The following DSCAML1 variants were observed in gnomAD, a reference collection of about 807,000 sequenced individuals.
DSCAML1 encodes the protein cell adhesion molecule DSCAML1.
Under a neutral mutation model 200.5 loss-of-function variants are expected in DSCAML1, and 38 were observed. The ratio of observed to expected loss-of-function variants is 0.19; its 90% CI spans 0.15 to 0.25. The LOEUF (loss-of-function observed/expected upper bound fraction) is 0.25. DSCAML1 is among the 10% of genes least tolerant of loss of function. DSCAML1 has a pLI of 1.00. For synonymous variants in DSCAML1, 1,215 were observed against 1,165.0 expected, an observed-to-expected ratio of 1.04 and a Z score of -0.87; for missense variants, 2,223 against 2,858.8, an observed-to-expected ratio of 0.78 and a Z score of 5.07.
intron 3 of DSCAML1, among the ~76,000 whole-genome samples, chr11:117,557,915 GGA>G (rs2137407105): frequency 6.6e-6 from 1 of 152,220 alleles, no homozygotes; most frequent in Admixed American, 6.5e-5. Flanking sequence ...CTGGGTGTGA[GGA>G]GAGAGCAGTT....
chr11:117,621,803 A>G (rs1246210357), intron 3 of DSCAML1, among the ~76,000 whole-genome samples: 1 of 152,204 alleles, frequency 6.6e-6, no homozygotes, highest in Admixed American at 6.5e-5. Flanking sequence ...TTAAAGGTGA[A>G]ACAAGACAAC....
In DSCAML1 at chr11:117,692,438, C is replaced by A. The variant is rs183321862; in HGVS notation, c.511+84353G>T. 8.5e-4 allele frequency among the ~76,000 whole-genome samples: 130 copies of A among 152,136 alleles called. 1 individual carries two copies. In the East Asian group the frequency reaches 0.016, roughly 19 times the overall value. On this transcript the variant is annotated intron_variant, in intron 3 of 32. Coordinates refer to ENST00000651296, the MANE Select transcript of DSCAML1 (RefSeq NM_020693.4). Reference sequence around the variant, plus strand: ...TTCTCTCTCTCTCCCATCCCTCCCCCAAACACACTCAGGATAGGGCTCTGT... The same window carrying A: ...TTCTCTCTCTCTCCCATCCCTCCCCAAAACACACTCAGGATAGGGCTCTGT...
intron 3 of DSCAML1, among the ~76,000 whole-genome samples, chr11:117,613,385 G>A (rs1174211982): frequency 6.6e-6 from 1 of 152,126 alleles, no homozygotes; most frequent in African/African-American, 2.4e-5. Context: ...ACAAAGGTGA[G>A]GCAGAAGCTT....
At chr11:117,691,866 C>T (rs902072345) in intron 3 of DSCAML1, among the ~76,000 whole-genome samples, 4 of 152,092 alleles carry the variant, frequency 2.6e-5, no homozygotes, top group Admixed American at 6.5e-5. Flanking sequence ...AGTGGAATCC[C>T]ACCCGAGGGT....
chr11:117,632,088 T>C (rs1286678897), intron 3 of DSCAML1, among the ~76,000 whole-genome samples: 1 of 152,178 alleles, frequency 6.6e-6, no homozygotes, highest in African/African-American at 2.4e-5. Flanking sequence ...ATGTCGACAG[T>C]CCTATCCCTG....
intron 11 of DSCAML1, among the ~76,000 whole-genome samples, chr11:117,490,754 G>C (rs2137245831): frequency 6.6e-6 from 1 of 152,364 alleles, no homozygotes; most frequent in Admixed American, 6.5e-5. Context: ...CTGACAACTG[G>C]CCAGCTCCTT....
upstream of DSCAML1, among the ~76,000 whole-genome samples, chr11:117,798,505 C>T (rs1394593189): frequency 1.3e-5 from 2 of 152,156 alleles, no homozygotes; most frequent in Non-Finnish European, 2.9e-5. Context: ...GTGTACTATT[C>T]TGTGGCATTA....
intron 3 of DSCAML1, among the ~76,000 whole-genome samples, chr11:117,670,676 G>T (rs1337461819): frequency 6.6e-6 from 1 of 152,142 alleles, no homozygotes; most frequent in Non-Finnish European, 1.5e-5. Context: ...GGAGGCATCT[G>T]GCCACTCCCC....
In DSCAML1 at chr11:117,463,002, G is replaced by C. The variant is rs148637073; in HGVS notation, c.3266-1406C>G. ...GATGTTTGGACAGAGGCCAGAGGTG[G>C]GCCTGGCGTGGCCCGGGTGGTGCAT... On this transcript the variant is annotated intron_variant, in intron 17 of 32. Transcript: ENST00000651296. This position sits in a 1 kb window ranked among gnomAD's most constrained non-coding sequence, Gnocchi z 4.0. 0.016 allele frequency among the ~76,000 whole-genome samples: 2,429 copies of C among 152,336 alleles called. 80 individuals carry two copies. The highest frequency in any genetic ancestry group is 0.055 in the African/African-American group (2,287 of 41,564).
intron 3 of DSCAML1, among the ~76,000 whole-genome samples, chr11:117,676,772 C>T (rs371600932): frequency 8.5e-5 from 13 of 152,346 alleles, no homozygotes; most frequent in African/African-American, 2.2e-4. Context: ...CCCGATGGGA[C>T]GGCACTGGGA....
intron 3 of DSCAML1, among the ~76,000 whole-genome samples, chr11:117,584,756 C>T (rs2051110274): frequency 6.6e-6 from 1 of 152,174 alleles, no homozygotes; most frequent in African/African-American, 2.4e-5. Context: ...TTGCTTGCTA[C>T]ATTTGAACAG....
rs765639485 is a variant in DSCAML1, at chr11:117,439,343, T to C, written c.4067A>G (p.Glu1356Gly). 6.2e-7 allele frequency: 1 copy of C among 1,614,078 alleles called. No individual in the cohort carries two copies. The highest frequency in any genetic ancestry group is 2.2e-5 in the East Asian group (1 of 44,870). ...CGTGCACGTGTAGTAGCCAGAGTCC[T>C]CAGCCTTCACTGCACGCAGCAGCAG... ...GTLLLRAVKA[E>G]DSGYYTCTAT... Residue 1356 changes from glutamate to glycine, a missense_variant, in exon 23 of 33, where the codon GAG becomes GGG. Glu to Gly is a moderately conservative substitution (Grantham distance 98, BLOSUM62 -2). Transcript: ENST00000651296.
Position 117,746,147 on chromosome 11 carries a change from G to A in DSCAML1, c.511+30644C>T, listed in dbSNP as rs538991127. Among the ~76,000 whole-genome samples the A allele has an allele frequency of 1.3e-4, 19 of 149,462 alleles. No homozygotes were observed. In the South Asian group the frequency reaches 2.7e-3, roughly 22 times the overall value. On this transcript the variant is annotated intron_variant, in intron 3 of 32. Coordinates refer to ENST00000651296, the MANE Select transcript of DSCAML1 (RefSeq NM_020693.4). ...TGAGGCAGGAGAATGGCGTGAACCC[G>A]GGAGGCGGAGCTTACAGTGAGCCCA... is the stretch of plus-strand genomic sequence containing the variant.
intron 8 of DSCAML1, among the ~76,000 whole-genome samples, chr11:117,515,123 G>A (rs1459348670): frequency 6.6e-6 from 1 of 152,228 alleles, no homozygotes; most frequent in East Asian, 1.9e-4. Context: ...CCTCCCAGGC[G>A]GAGCCCCAGG....
chr11:117,599,651 C>T (rs1029050545), intron 3 of DSCAML1, among the ~76,000 whole-genome samples: 9 of 152,188 alleles, frequency 5.9e-5, no homozygotes, highest in African/African-American at 1.7e-4. Flanking sequence ...CATCTGCCAC[C>T]GCTCTGTGCT....
At chr11:117,806,885 G>T (rs905523625) in intron 1 of DSCAML1, among the ~76,000 whole-genome samples, 1 of 152,152 alleles carries the variant, frequency 6.6e-6, no homozygotes, top group African/African-American at 2.4e-5. Context: ...GTTGACTCAT[G>T]GCCAGTTTTT....
chr11:117,811,459 A>G (rs2055759719), intron 1 of DSCAML1, among the ~76,000 whole-genome samples: 1 of 152,240 alleles, frequency 6.6e-6, no homozygotes, highest in South Asian at 2.1e-4. Flanking sequence ...CTGTGAGACA[A>G]ACCCCAGCTA....
intron 3 of DSCAML1, among the ~76,000 whole-genome samples, chr11:117,621,606 CA>C (rs2051932106): frequency 1.3e-5 from 2 of 152,290 alleles, no homozygotes; most frequent in East Asian, 3.9e-4. Context: ...TCTTGTTATT[CA>C]ACTGGACTCT....
At chr11:117,634,006 G>A (rs1489395606) in intron 3 of DSCAML1, among the ~76,000 whole-genome samples, 1 of 152,188 alleles carries the variant, frequency 6.6e-6, no homozygotes, top group Admixed American at 6.5e-5. Flanking sequence ...CCTATCACAT[G>A]CCCTGCACCG....
Sources: gnomAD v4.1 joint callset for allele counts (sites outside exome capture counted in the v4.1 genomes callset) on GRCh38, gnomAD v4.1.1 for gene constraint, Gnocchi (gnomAD v3.1) non-coding constraint, MANE v1.5 for transcripts, NCBI Gene and HGNC (gene_info 2026-07-23, HGNC 2026-07-21) for gene names.